The following GPHN variants were observed in gnomAD, a reference collection of about 807,000 sequenced individuals.
The protein encoded by GPHN is gephyrin.
Under a neutral mutation model 95.5 loss-of-function variants are expected in GPHN, and 17 were observed. The ratio of observed to expected loss-of-function variants is 0.18; its 90% confidence interval spans 0.12 to 0.27. The LOEUF is 0.27. Ranked by LOEUF, GPHN falls within the 10% of genes least tolerant of loss-of-function variation. The pLI, the probability that GPHN is intolerant of heterozygous loss-of-function variation, is 1.00. For missense variants in GPHN, 660 were observed against 978.1 expected, an observed-to-expected ratio of 0.67 and a Z score of 4.34; for synonymous variants, 320 against 322.5, an observed-to-expected ratio of 0.99 and a Z score of 0.08.
intron 4 of GPHN, among the ~76,000 whole-genome samples, chr14:66,837,301 G>A (rs2061871803): frequency 6.6e-6 from 1 of 151,496 alleles, no homozygotes; most frequent in Non-Finnish European, 1.5e-5. Context: ...GTAGGGACAT[G>A]GATGAAATTG....
At chr14:66,933,115 C>T (rs1297533821) in intron 8 of GPHN, among the ~76,000 whole-genome samples, 1 of 152,186 alleles carries the variant, frequency 6.6e-6, no homozygotes, top group East Asian at 1.9e-4. Flanking sequence ...TATAAGTAGA[C>T]TCACATGTTT....
the GPHN span, among the ~76,000 whole-genome samples, chr14:67,380,289 C>T: frequency 6.6e-6 from 1 of 152,086 alleles, no homozygotes; most frequent in African/African-American, 2.4e-5. Flanking sequence ...GTCCTGATGC[C>T]CACAGATGTA....
At chr14:67,556,329 T>G in the GPHN span, among the ~76,000 whole-genome samples, 2 of 152,204 alleles carry the variant, frequency 1.3e-5, no homozygotes, top group South Asian at 4.1e-4. Context: ...AGAGATGGGG[T>G]CTTGCTATGT....
the GPHN span, among the ~76,000 whole-genome samples, chr14:67,205,642 C>T: frequency 1.3e-5 from 2 of 152,132 alleles, no homozygotes; most frequent in African/African-American, 4.8e-5. Context: ...AAAAATGTTT[C>T]ATTCAGTTGG....
the GPHN span, among the ~76,000 whole-genome samples, chr14:67,543,761 T>C: frequency 7.4e-6 from 1 of 134,306 alleles, no homozygotes; most frequent in Non-Finnish European, 1.6e-5. Context: ...CTGTTTCTAG[T>C]AATATGGACA....
At chr14:67,087,341 A>G (rs1453882109) in intron 11 of GPHN, among the ~76,000 whole-genome samples, 2 of 152,280 alleles carry the variant, frequency 1.3e-5, no homozygotes, top group East Asian at 3.9e-4. Flanking sequence ...CCAGATAAGG[A>G]ACCATCCCAT....
At chr14:67,327,840 A>G in the GPHN span, among the ~76,000 whole-genome samples, 2 of 152,234 alleles carry the variant, frequency 1.3e-5, no homozygotes. Context: ...TTGGCTGCAT[A>G]GTATTCCATG....
the GPHN span, among the ~76,000 whole-genome samples, chr14:67,696,689 A>T: frequency 6.6e-6 from 1 of 152,140 alleles, no homozygotes; most frequent in Non-Finnish European, 1.5e-5. Flanking sequence ...AAGGCCATGA[A>T]TATGTTCTCT....
chr14:66,888,130 C>T (rs905520637), intron 5 of GPHN, among the ~76,000 whole-genome samples: 7 of 152,064 alleles, frequency 4.6e-5, no homozygotes, highest in African/African-American at 1.4e-4. Flanking sequence ...AACTCTAAAA[C>T]GTAGAACATC....
intron 9 of GPHN, among the ~76,000 whole-genome samples, chr14:66,986,686 A>T (rs2071048149): frequency 6.6e-6 from 1 of 152,156 alleles, no homozygotes; most frequent in Non-Finnish European, 1.5e-5. Flanking sequence ...CCCTAACAGC[A>T]ATAGTAACTG....
intron 2 of GPHN, among the ~76,000 whole-genome samples, chr14:66,726,257 A>G (rs1315464991): frequency 1.3e-5 from 2 of 152,228 alleles, no homozygotes; most frequent in African/African-American, 2.4e-5. Context: ...AAAAATGTGG[A>G]ATAATTTACA....
At position 66,561,625 on chromosome 14, in the gene GPHN, T is replaced by A. The variant is rs558123554; in HGVS notation, c.64+53034T>A. Among the ~76,000 whole-genome samples, 14 of 152,298 alleles carry A rather than the reference T, an allele frequency of 9.2e-5. No individual in the cohort carries two copies. The East Asian group carries it at 2.7e-3, about 29-fold the overall frequency. On this transcript the variant is annotated intron_variant, in intron 1 of 22. Transcript: ENST00000478722. ...ATTGGACTGTAACTAGAATATAGTT[T>A]ATCTTATATCTAGTTTTAATCTATA...
chr14:67,569,859 TC>T, the GPHN span: 1 of 1,068,090 alleles, frequency 9.4e-7, no homozygotes, highest in African/African-American at 1.6e-5. Flanking sequence ...GTTCTCTGCT[TC>T]CCCCACACCC....
At chr14:66,578,237 C>T (rs1476298190) in intron 1 of GPHN, among the ~76,000 whole-genome samples, 2 of 151,114 alleles carry the variant, frequency 1.3e-5, no homozygotes, top group African/African-American at 4.9e-5. Flanking sequence ...TCAGTAAGCT[C>T]ACAGACTGGT....
the GPHN span, among the ~76,000 whole-genome samples, chr14:67,357,272 CTTT>C: frequency 6.6e-6 from 1 of 152,228 alleles, no homozygotes; most frequent in Non-Finnish European, 1.5e-5. Flanking sequence ...TAGCCTATGG[CTTT>C]TAAAACTTGC....
chr14:67,376,425 C>T, the GPHN span: 1 of 1,568,612 alleles, frequency 6.4e-7, no homozygotes, highest in East Asian at 2.3e-5. Flanking sequence ...TTGAGCTTTT[C>T]ATTTTATTTC....
the GPHN span, among the ~76,000 whole-genome samples, chr14:67,731,347 T>C: frequency 6.6e-6 from 1 of 151,518 alleles, no homozygotes; most frequent in Non-Finnish European, 1.5e-5. Flanking sequence ...CCCGAGTAGC[T>C]GGGATTACAG....
the GPHN span, chr14:67,473,858 G>C: frequency 6.2e-7 from 1 of 1,612,722 alleles, no homozygotes; most frequent in Non-Finnish European, 8.5e-7. The surrounding 1 kb of genome is among the most constrained non-coding windows in gnomAD (Gnocchi z 6.5). Context: ...TCACCTCGCA[G>C]AAGTAGCCGT....
At chr14:66,873,752 G>T (rs1161440867) in intron 4 of GPHN, among the ~76,000 whole-genome samples, 1 of 152,168 alleles carries the variant, frequency 6.6e-6, no homozygotes, top group Non-Finnish European at 1.5e-5. Flanking sequence ...AAAGACAGGA[G>T]CCCCAGGCAG....
Sources: allele counts gnomAD v4.1 joint callset (sites outside exome capture counted in the v4.1 genomes callset), GRCh38; gene constraint gnomAD v4.1.1; non-coding constraint Gnocchi (gnomAD v3.1); transcripts MANE v1.5; gene names NCBI Gene and HGNC (gene_info 2026-07-23, HGNC 2026-07-21).